COL4A6: variants seen among roughly 807,000 people sequenced by gnomAD.
The protein encoded by COL4A6 is collagen alpha-6(IV) chain.
A neutral mutation model predicts 126.7 loss-of-function variants in COL4A6; 59 were observed. The ratio of observed to expected loss-of-function variants is 0.47; its 90% confidence interval spans 0.38 to 0.58. The LOEUF (loss-of-function observed/expected upper bound fraction) is 0.58. Ranked by LOEUF, COL4A6 falls within the 20% of genes least tolerant of loss-of-function variation. COL4A6 has a pLI of 0.00. For synonymous variants in COL4A6, 547 were observed against 496.6 expected (o/e 1.10, Z -1.35); for missense variants, 1,285 against 1,337.3 (o/e 0.96, Z 0.61).
intron 14 of COL4A6, among the ~76,000 whole-genome samples, chrX:108,195,915 C>A (rs932770682): frequency 6.3e-5 from 7 of 111,908 alleles, no homozygotes; most frequent in African/African-American, 2.3e-4. Context: ...CAACACAATT[C>A]TCTAAAATGT....
At chrX:108,165,296 C>A in intron 38 of COL4A6, 74 bp downstream of exon 38, 1 of 908,086 alleles carries the variant, frequency 1.1e-6, no homozygotes, top group Non-Finnish European at 1.6e-6. Flanking sequence ...GACTTGGCTG[C>A]GCTGTATACA....
chrX:108,206,413 A>G, intron 9 of COL4A6, 105 bp downstream of exon 9: 1 of 849,584 alleles, frequency 1.2e-6, no homozygotes, highest in East Asian at 3.1e-5. Flanking sequence ...GCCCTTGCTC[A>G]CCCAGGAGGA....
At chrX:108,373,029 A>G (rs112774423) in intron 2 of COL4A6, among the ~76,000 whole-genome samples, 128 of 111,639 alleles carry the variant, frequency 1.1e-3, no homozygotes, top group African/African-American at 3.8e-3. Context: ...TATCTATCTA[A>G]TGCATTTGAT....
intron 3 of COL4A6, among the ~76,000 whole-genome samples, chrX:108,292,797 T>C (rs956049212): frequency 1.8e-4 from 19 of 108,462 alleles, no homozygotes; most frequent in African/African-American, 6.4e-4. Flanking sequence ...GGCTTACTGC[T>C]GCCACCACAC....
chrX:108,405,045 C>T (rs1267073741), intron 2 of COL4A6, among the ~76,000 whole-genome samples: 1 of 111,726 alleles, frequency 9.0e-6, no homozygotes, highest in Non-Finnish European at 1.9e-5. Flanking sequence ...AACACACACA[C>T]ACACGTAGAA....
chrX:108,339,039 C>T (rs1171713405), intron 2 of COL4A6, among the ~76,000 whole-genome samples: 1 of 111,458 alleles, frequency 9.0e-6, no homozygotes, highest in African/African-American at 3.3e-5. Context: ...CTCTCTCTCC[C>T]TGCCAAAAAA....
At chrX:108,332,819 G>C (rs2039335642) in intron 2 of COL4A6, among the ~76,000 whole-genome samples, 1 of 110,477 alleles carries the variant, frequency 9.1e-6, no homozygotes, top group Non-Finnish European at 1.9e-5. Flanking sequence ...TTCTTTTGCT[G>C]TGCAGAAGCT....
chrX:108,180,905 C>G lies in COL4A6; in HGVS notation c.2015G>C (p.Gly672Ala). The G allele has an allele frequency of 8.3e-7, 1 of 1,209,931 alleles. No individual in the cohort carries two copies. Residue 672 changes from glycine to alanine, a missense_variant, in exon 24 of 45, where the codon GGA becomes GCA. By Grantham distance (60) the Gly-to-Ala change is moderately conservative. Coordinates refer to ENST00000334504, the MANE Select transcript of COL4A6 (RefSeq NM_033641.4). Reference protein sequence around the residue: ...YGPSGFPGTPGFPGPKGSRGL... With the variant: ...YGPSGFPGTPAFPGPKGSRGL... ...CTGGCCTCATTCCATACCTGGGAAT[C>G]CGGGAGTGCCTGGAAATCCTGATGG...
In COL4A6 at chrX:108,364,320, C is replaced by T. The variant is rs758704784; in HGVS notation, c.64-53492G>A. ...ATGAGATAATAGATCTGAAAATCAC[C>T]GAGAACTCCCCATTGTCTAATGAAA... On this transcript the variant is annotated intron_variant, in intron 2 of 44. Transcript: ENST00000334504. 1.8e-3 allele frequency among the ~76,000 whole-genome samples: 198 copies of T among 109,998 alleles called. 1 individual carries two copies. Among genetic ancestry groups the T allele is most frequent in the Middle Eastern group, 4.6e-3 (1 of 217 alleles).
At chrX:108,428,760 A>G (rs2064129342) in intron 2 of COL4A6, among the ~76,000 whole-genome samples, 1 of 111,859 alleles carries the variant, frequency 8.9e-6, no homozygotes, top group Admixed American at 9.5e-5. Context: ...GGAAGTTTGT[A>G]AAATTTAAAA....
chrX:108,303,175 A>T (rs1201465476), intron 3 of COL4A6, among the ~76,000 whole-genome samples: 1 of 111,326 alleles, frequency 9.0e-6, no homozygotes, highest in Non-Finnish European at 1.9e-5. Flanking sequence ...GATAAGTGAC[A>T]TAGGAAGCAA....
intron 2 of COL4A6, among the ~76,000 whole-genome samples, 185 bp from the exon 3 acceptor site, chrX:108,311,013 T>C (rs865996036): frequency 6.2e-5 from 7 of 112,347 alleles, no homozygotes; most frequent in Admixed American, 2.8e-4. Flanking sequence ...TTCAGGTCTA[T>C]ACCTTATCAA....
At chrX:108,367,996 G>A (rs1156744170) in intron 2 of COL4A6, among the ~76,000 whole-genome samples, 2 of 109,122 alleles carry the variant, frequency 1.8e-5, no homozygotes, top group African/African-American at 6.7e-5. Context: ...TGTATCTAAG[G>A]TCCATGAGAA....
chrX:108,351,092 C>A (rs2046790893), intron 2 of COL4A6, among the ~76,000 whole-genome samples: 1 of 111,616 alleles, frequency 9.0e-6, no homozygotes, highest in African/African-American at 3.3e-5. Context: ...GGGTCCCAAT[C>A]ATCTCTCAGG....
intron 2 of COL4A6, among the ~76,000 whole-genome samples, chrX:108,330,160 G>A (rs1293832897): frequency 3.6e-5 from 4 of 110,856 alleles, no homozygotes; most frequent in African/African-American, 9.8e-5. Context: ...AAGCCCTGAC[G>A]AACATCTACC....
At chrX:108,424,336 C>A (rs2064034143) in intron 2 of COL4A6, among the ~76,000 whole-genome samples, 1 of 111,883 alleles carries the variant, frequency 8.9e-6, no homozygotes. Context: ...AATAGGACTG[C>A]ATTTTGAAAG....
intron 3 of COL4A6, among the ~76,000 whole-genome samples, chrX:108,239,407 T>C (rs960491234): frequency 2.2e-4 from 25 of 112,164 alleles, no homozygotes; most frequent in Non-Finnish European, 3.9e-4. Context: ...CAGATAACAG[T>C]GCTTTTCTTT....
In COL4A6 at chrX:108,190,424, G is replaced by A. The variant is rs763900536; in HGVS notation, c.1394C>T (p.Pro465Leu). The A allele has an allele frequency of 2.6e-5, 31 of 1,204,525 alleles. No homozygotes were observed. The highest frequency in any genetic ancestry group is 3.5e-5 in the Non-Finnish European group (31 of 891,264). Residue 465 changes from proline (P) to leucine (L), a missense_variant, in exon 20 of 45, where the codon CCA becomes CTA. Coordinates refer to ENST00000334504, the MANE Select transcript of COL4A6 (RefSeq NM_033641.4). Reference protein sequence around the residue: ...GFPGLRGEQGPKGNLGLKGIK... With the variant: ...GFPGLRGEQGLKGNLGLKGIK... ...TCCTTTGAGGCCTAGGTTTCCTTTT[G>A]GACCTTGTTCTCCTCGGAGACCAGG... is the stretch of plus-strand genomic sequence containing the variant.
chrX:108,265,189 C>T (rs1412400501), intron 3 of COL4A6, among the ~76,000 whole-genome samples: 1 of 111,053 alleles, frequency 9.0e-6, no homozygotes, highest in Admixed American at 9.6e-5. Context: ...CCATATTAGC[C>T]TTCTTCAAAA....
Sources: gnomAD v4.1 joint callset for allele counts (sites outside exome capture counted in the v4.1 genomes callset) on GRCh38, gnomAD v4.1.1 for gene constraint, MANE v1.5 for transcripts, NCBI Gene and HGNC (gene_info 2026-07-23, HGNC 2026-07-21) for gene names.